PDE8A: variants seen among roughly 807,000 people sequenced by gnomAD.
The protein encoded by PDE8A is phosphodiesterase 8A.
PDE8A carries 59 observed loss-of-function variants against 105.0 expected under a neutral mutation model. The ratio of observed to expected loss-of-function variants is 0.56; its 90% CI spans 0.46 to 0.70. PDE8A has a LOEUF of 0.70. Among genes scored for constraint, PDE8A ranks in the 30% least tolerant of loss-of-function variants. The probability of loss-of-function intolerance (pLI) is 0.00; values close to 1 mark genes in which losing one functional copy is unlikely to be tolerated. For synonymous variants in PDE8A, 355 were observed against 371.9 expected, an observed-to-expected ratio of 0.95 and a Z score of 0.52; for missense variants, 1,014 against 1,045.9, an observed-to-expected ratio of 0.97 and a Z score of 0.42.
At chr15:84,990,027 A>G (rs2079861737) in intron 1 of PDE8A, among the ~76,000 whole-genome samples, 1 of 152,120 alleles carries the variant, frequency 6.6e-6, no homozygotes, top group African/African-American at 2.4e-5. Flanking sequence ...CAACCCCTAA[A>G]TATTGCAGTA....
In PDE8A at chr15:85,116,081, C is replaced by T; in HGVS notation, c.1497C>T (p.Asp499=). The T allele has an allele frequency of 6.2e-7, 1 of 1,614,044 alleles. No homozygotes were observed. The highest frequency in any genetic ancestry group is 1.1e-5 in the South Asian group (1 of 91,082). The change falls in exon 16 of 22, where the codon GAC becomes GAT. Residue 499 remains aspartate, a synonymous_variant. Coordinates refer to ENST00000394553, the MANE Select transcript of PDE8A (RefSeq NM_002605.3). ...CCATGGAAAATGAGGAATACTGGGA[C>T]TTTGATATTTTTGAACTGGAGGCTG... ...ARAMENEEYW[D]FDIFELEAAT...
At chr15:85,136,998 C>T (rs2082421260) in intron 21 of PDE8A, among the ~76,000 whole-genome samples, 1 of 150,714 alleles carries the variant, frequency 6.6e-6, no homozygotes, top group South Asian at 2.1e-4. Flanking sequence ...CTGTCCCCTG[C>T]TTCTCCCAGC....
At chr15:85,117,880 A>T (rs768043676) in intron 17 of PDE8A, 41 bp downstream of exon 17, 1 of 1,469,602 alleles carries the variant, frequency 6.8e-7, no homozygotes, top group East Asian at 2.3e-5. Context: ...GGGCAGGAGC[A>T]GTGGGGAGAG....
Position 85,119,468 on chromosome 15 carries a change from CA to C in PDE8A, c.1735-1316del, listed in dbSNP as rs546194907. ...GGGTGACAGAGCAAGACTCTCGTCT[CA>C]AAAAAAAAAAAACATTTATTGAAAT... On this transcript the variant is annotated intron_variant, in intron 17 of 21. Coordinates refer to ENST00000394553, the MANE Select transcript of PDE8A (RefSeq NM_002605.3). Among the ~76,000 whole-genome samples the C allele has an allele frequency of 7.7e-4, 45 of 58,526 alleles. 5 individuals are homozygous for C. The highest frequency in any genetic ancestry group is 3.7e-3 in the East Asian group (3 of 816). The allele number at this position is 58,526 out of a possible 152,430, so 38.4% of individuals were successfully genotyped here.
At chr15:85,057,303 T>C (rs180954996) in intron 1 of PDE8A, among the ~76,000 whole-genome samples, 4 of 152,172 alleles carry the variant, frequency 2.6e-5, no homozygotes, top group African/African-American at 9.7e-5. Context: ...GATCTCGAAC[T>C]CCGTGCTGGG....
chr15:85,079,857 G>A (rs1227403722), intron 5 of PDE8A, among the ~76,000 whole-genome samples: 4 of 152,032 alleles, frequency 2.6e-5, no homozygotes, highest in African/African-American at 7.3e-5. Context: ...AGGTTGCAGT[G>A]AGCTGAGATT....
chr15:85,080,093 G>T (rs1307943087), intron 5 of PDE8A, among the ~76,000 whole-genome samples: 2 of 152,064 alleles, frequency 1.3e-5, no homozygotes, highest in East Asian at 3.8e-4. Context: ...CAGACAAAAA[G>T]AACACAGATA....
rs1380916081 is a variant in PDE8A at position 85,098,047 on chromosome 15, A to G, written c.941+11A>G. 6.9e-6 allele frequency: 10 copies of G among 1,447,888 alleles called. No homozygotes were observed. In the African/African-American group the frequency reaches 9.8e-5, roughly 14 times the overall value. The allele number at this position is 1,447,888 out of a possible 1,614,324, so 89.7% of individuals were successfully genotyped here. On this transcript the variant is annotated intron_variant, in intron 9 of 21. Transcript: ENST00000394553. Reference sequence around the variant, plus strand: ...CATTGGACAGGGAGGGTAAGTGGAAAAAACAAGTACATCAATCAACATACA... The same window carrying G: ...CATTGGACAGGGAGGGTAAGTGGAAGAAACAAGTACATCAATCAACATACA...
intron 1 of PDE8A, among the ~76,000 whole-genome samples, chr15:85,047,674 C>CT (rs1328108334): frequency 6.6e-6 from 1 of 152,140 alleles, no homozygotes; most frequent in Non-Finnish European, 1.5e-5. Flanking sequence ...AGGTGAGTTA[C>CT]TTTTATAAGT....
At chr15:85,016,949 C>T (rs1321665154) in intron 1 of PDE8A, among the ~76,000 whole-genome samples, 1 of 150,706 alleles carries the variant, frequency 6.6e-6, no homozygotes, top group Admixed American at 6.6e-5. Flanking sequence ...ACTGAATTTC[C>T]CTTTTTTTTT....
At chr15:85,100,965 C>CT (rs1446648343) in intron 11 of PDE8A, among the ~76,000 whole-genome samples, 1 of 152,246 alleles carries the variant, frequency 6.6e-6, no homozygotes, top group Non-Finnish European at 1.5e-5. Context: ...ACAGTTCATT[C>CT]TTTCATTCTA....
chr15:84,986,785 CT>C (rs1260064977), intron 1 of PDE8A, among the ~76,000 whole-genome samples: 1 of 150,922 alleles, frequency 6.6e-6, no homozygotes, highest in East Asian at 1.9e-4. Context: ...GTTTTTTAAA[CT>C]TTTTTTTTGT....
intron 1 of PDE8A, chr15:85,064,039 T>A: frequency 4.4e-6 from 1 of 224,734 alleles, no homozygotes; most frequent in Non-Finnish European, 8.8e-6. Context: ...GCTCTCTATA[T>A]TGTCATCTCA....
chr15:85,023,550 AAG>A (rs1246502151), intron 1 of PDE8A, among the ~76,000 whole-genome samples: 4 of 152,128 alleles, frequency 2.6e-5, no homozygotes, highest in Admixed American at 6.5e-5. Context: ...GAGAGGGTAA[AAG>A]AGTGAATGTC....
At chr15:85,009,917 A>G (rs2080213397) in intron 1 of PDE8A, among the ~76,000 whole-genome samples, 1 of 152,268 alleles carries the variant, frequency 6.6e-6, no homozygotes, top group Non-Finnish European at 1.5e-5. Context: ...TAATATAAGC[A>G]TATAATGAAA....
intron 1 of PDE8A, among the ~76,000 whole-genome samples, chr15:85,040,367 C>T (rs2080782705): frequency 7.9e-6 from 1 of 126,878 alleles, no homozygotes; most frequent in African/African-American, 2.8e-5. Context: ...AAGACCTCTT[C>T]TCTAAAAAAA....
chr15:85,069,662 T>A (rs1440642615), intron 3 of PDE8A, among the ~76,000 whole-genome samples: 1 of 152,160 alleles, frequency 6.6e-6, no homozygotes, highest in Non-Finnish European at 1.5e-5. Flanking sequence ...AAGCTCACAC[T>A]AGGTTTAGGG....
At chr15:85,037,541 C>T (rs185685649) in intron 1 of PDE8A, among the ~76,000 whole-genome samples, 8 of 152,078 alleles carry the variant, frequency 5.3e-5, no homozygotes, top group African/African-American at 1.9e-4. Context: ...CTGAACTGAG[C>T]CTTAATTATA....
In PDE8A at chr15:85,021,140, C is replaced by T. The variant is rs537139375; in HGVS notation, c.186+38792C>T. Among the ~76,000 whole-genome samples the T allele has an allele frequency of 4.6e-5, 7 of 152,238 alleles. 1 individual carries two copies. The highest frequency in any genetic ancestry group is 2.1e-4 in the South Asian group (1 of 4,816). On this transcript the variant is annotated intron_variant, in intron 1 of 21. Transcript: ENST00000394553. ...GATTGAGGGAGCTTGTTCTCCTGTCCGCCTTGTAAGAACACATAGCAGGTG... is the reference window on the plus strand; with the variant it reads ...GATTGAGGGAGCTTGTTCTCCTGTCTGCCTTGTAAGAACACATAGCAGGTG...
Sources: allele counts gnomAD v4.1 joint callset (sites outside exome capture counted in the v4.1 genomes callset), GRCh38; gene constraint gnomAD v4.1.1; transcripts MANE v1.5; gene names NCBI Gene and HGNC (gene_info 2026-07-23, HGNC 2026-07-21).